ANKRD2: variants seen among roughly 807,000 people sequenced by gnomAD.
The protein encoded by ANKRD2 is ankyrin repeat domain 2.
In ANKRD2, 35 loss-of-function variants were observed where a neutral mutation model predicts 37.3. The ratio of observed to expected loss-of-function variants is 0.94; its 90% CI spans 0.72 to 1.24. The LOEUF (loss-of-function observed/expected upper bound fraction) is 1.24, where lower values mean the gene tolerates loss of function less well. Ranked by LOEUF, ANKRD2 falls within the 50% of genes most tolerant of loss-of-function variation. ANKRD2 has a pLI of 0.00. For synonymous variants in ANKRD2, 159 were observed against 186.5 expected, an observed-to-expected ratio of 0.85 and a Z score of 1.20; for missense variants, 410 against 445.6, an observed-to-expected ratio of 0.92 and a Z score of 0.72.
rs770895363 is a variant in ANKRD2 at position 97,578,583 on chromosome 10, G to T, written c.434G>T (p.Gly145Val). The T allele has an allele frequency of 5.8e-6, 9 of 1,560,280 alleles. No individual in the cohort carries two copies. The Admixed American group carries it at 7.7e-5, about 13-fold the overall frequency. Residue 145 changes from glycine to valine, a missense_variant, in exon 4 of 9, where the codon GGG becomes GTG. Gly to Val is a moderately radical substitution (Grantham distance 109). Coordinates refer to ENST00000370655, the MANE Select transcript of ANKRD2 (RefSeq NM_001346793.2). Reference sequence around the variant, plus strand: ...ATTGAGAAGTTCCTGGCTGACGGGGGGTCAGCCGACACGTGCGACCAGGTG... The same window carrying T: ...ATTGAGAAGTTCCTGGCTGACGGGGTGTCAGCCGACACGTGCGACCAGGTG... The part of the protein sequence containing the change: ...KVIEKFLADG[G>V]SADTCDQFRR...
Position 97,578,334 on chromosome 10 carries a change from G to A in ANKRD2, c.284G>A (p.Arg95His), listed in dbSNP as rs1236703236. 1 of 1,613,470 alleles carries A rather than the reference G, an allele frequency of 6.2e-7. No individual in the cohort carries two copies. Among genetic ancestry groups the A allele is most frequent in the Non-Finnish European group, 8.5e-7 (1 of 1,179,910 alleles). The change falls in exon 3 of 9, where the codon CGC becomes CAC. Residue 95 changes from arginine to histidine, a missense_variant. Coordinates refer to ENST00000370655, the MANE Select transcript of ANKRD2 (RefSeq NM_001346793.2). ...IQNLIELRKK[R>H]KQKKRDALAA... ...AACCTCATCGAGCTGCGGAAGAAAC[G>A]CAAGCAGAAGAAGCGGGACGCTCTG... is the stretch of plus-strand genomic sequence containing the variant.
At position 97,582,320 on chromosome 10, in the gene ANKRD2, G is replaced by C; in HGVS notation, c.660G>C (p.Leu220=). 1 of 1,555,060 alleles carries C rather than the reference G, an allele frequency of 6.4e-7. No homozygotes were observed. The highest frequency in any genetic ancestry group is 8.7e-7 in the Non-Finnish European group (1 of 1,148,720). The change falls in exon 7 of 9, where the codon CTG becomes CTC. Residue 220 remains leucine (L), a synonymous_variant. Transcript: ENST00000370655. ...TCCTGATTCCTCCCACCCAGCTGCT[G>C]AGCACCCCGCTGCACGTGGCAGTCC... ...GADTNVRDKL[L]STPLHVAVRT...
At position 97,582,424 on chromosome 10, in the gene ANKRD2, G is replaced by A. The variant is rs369568795; in HGVS notation, c.753+11G>A. 5.5e-5 allele frequency: 87 copies of A among 1,572,334 alleles called. No homozygotes were observed. Among genetic ancestry groups the A allele is most frequent in the Non-Finnish European group, 7.3e-5 (85 of 1,158,960 alleles). Reference sequence around the variant, plus strand: ...AATGCCAGAGACAGGGTGAGTGCTAGCCTGTCCGCTGCTCACCCGCCATGG... The same window carrying A: ...AATGCCAGAGACAGGGTGAGTGCTAACCTGTCCGCTGCTCACCCGCCATGG... On this transcript the variant is annotated intron_variant, in intron 7 of 8. Transcript: ENST00000370655.
Position 97,582,690 on chromosome 10 carries a change from G to T in ANKRD2, c.840G>T (p.Met280Ile). The change falls in exon 8 of 9, where the codon ATG becomes ATT. Residue 280 changes from methionine (M) to isoleucine (I), a missense_variant. Met to Ile is a conservative substitution (Grantham distance 10, BLOSUM62 1). Transcript: ENST00000370655. Reference protein sequence around the residue: ...KLLLLHGADMMTKNLAGKTPT... With the variant: ...KLLLLHGADMITKNLAGKTPT... ...TGCTCCTGCATGGGGCTGACATGAT[G>T]ACCAAGAACCTGGTAAGCTCATTCC... 2 of 1,614,096 alleles carry T rather than the reference G, an allele frequency of 1.2e-6. No individual in the cohort carries two copies. Among genetic ancestry groups the T allele is most frequent in the South Asian group, 1.1e-5 (1 of 91,068 alleles).
At chr10:97,578,144 G>GGCCCCCCCCCCCCCCCCCCA in intron 2 of ANKRD2, 96 bp from the exon 3 acceptor site, 1 of 685,446 alleles carries the variant, frequency 1.5e-6, no homozygotes, top group East Asian at 2.7e-5. Context: ...GGGTCTTCCT[G>GGCCCCCCCCCCCCCCCCCCA]CCCACCCCAC....
chr10:97,581,302 T>G lies in ANKRD2; in HGVS notation c.556-14T>G, dbSNP rs1482349860. 1.9e-6 allele frequency: 3 copies of G among 1,612,666 alleles called. No individual in the cohort carries two copies. Among genetic ancestry groups the G allele is most frequent in the Non-Finnish European group, 2.5e-6 (3 of 1,179,158 alleles). ...CCTGCAGCTCTGTAGTTAGACCCCC[T>G]CATTTCTTTCTAGCTGGACTGCACA... On this transcript the variant is annotated splice_polypyrimidine_tract_variant and intron_variant, in intron 5 of 8. Coordinates refer to ENST00000370655, the MANE Select transcript of ANKRD2 (RefSeq NM_001346793.2).
At position 97,582,660 on chromosome 10, in the gene ANKRD2, A is replaced by G; in HGVS notation, c.810A>G (p.Lys270=). ...GGCTCAACCGCTACAAAATCATCAA[A>G]CTGCTGCTCCTGCATGGGGCTGACA... ...AVRLNRYKII[K]LLLLHGADMM... is the part of the protein sequence containing the mutation. Residue 270 remains lysine, a synonymous_variant, in exon 8 of 9, where the codon AAA becomes AAG. Coordinates refer to ENST00000370655, the MANE Select transcript of ANKRD2 (RefSeq NM_001346793.2). 1 of 1,614,052 alleles carries G rather than the reference A, an allele frequency of 6.2e-7. No homozygotes were observed. Among genetic ancestry groups the G allele is most frequent in the Non-Finnish European group, 8.5e-7 (1 of 1,180,000 alleles).
intron 5 of ANKRD2, 77 bp downstream of exon 5, chr10:97,581,030 G>A: frequency 7.5e-7 from 1 of 1,337,540 alleles, no homozygotes; most frequent in Non-Finnish European, 1.0e-6. Context: ...CCTGCCACCT[G>A]TGCCAACCTG....
At chr10:97,580,791 T>C in intron 4 of ANKRD2, 64 bp from the exon 5 acceptor site, 1 of 1,282,646 alleles carries the variant, frequency 7.8e-7, no homozygotes. Flanking sequence ...GGCCTCAGCT[T>C]GGGTGGGAGA....
At chr10:97,576,668 TTTTATTTATTTATTTATTTA>T (rs59288893) in intron 1 of ANKRD2, among the ~76,000 whole-genome samples, 11 of 140,508 alleles carry the variant, frequency 7.8e-5, no homozygotes, top group African/African-American at 2.1e-4. Context: ...TTAAAACTTA[TTTTATTTATTTATTTATTTA>T]TTTATTTATT....
At position 97,578,404 on chromosome 10, in the gene ANKRD2, G is replaced by C. The variant is rs758915297; in HGVS notation, c.348+6G>C. ...CCCCAGAGCCCGAGGAGATCGTAAG[G>C]GTCCTGGGGAGGACACCGCGAGGGG... On this transcript the variant is annotated splice_donor_region_variant and intron_variant, in intron 3 of 8. Transcript: ENST00000370655. 11 of 1,613,564 alleles carry C rather than the reference G, an allele frequency of 6.8e-6. No homozygotes were observed. In the African/African-American group the frequency reaches 8.0e-5, roughly 12 times the overall value.
intron 1 of ANKRD2, among the ~76,000 whole-genome samples, chr10:97,574,942 T>C (rs1452965565): frequency 3.3e-5 from 5 of 152,240 alleles, no homozygotes; most frequent in African/African-American, 1.2e-4. Context: ...GAGCAGTGTC[T>C]TCCGTTCATT....
chr10:97,577,478 G>C (rs1468577404), intron 1 of ANKRD2, among the ~76,000 whole-genome samples: 1 of 152,214 alleles, frequency 6.6e-6, no homozygotes, highest in Non-Finnish European at 1.5e-5. Flanking sequence ...AATAATCTTG[G>C]TGCTTGAAAG....
In ANKRD2 at chr10:97,578,407, C is replaced by A; in HGVS notation, c.348+9C>A. ...CAGAGCCCGAGGAGATCGTAAGGGT[C>A]CTGGGGAGGACACCGCGAGGGGGCG... On this transcript the variant is annotated intron_variant, in intron 3 of 8. Transcript: ENST00000370655. The A allele has an allele frequency of 6.2e-7, 1 of 1,613,608 alleles. No individual in the cohort carries two copies. The highest frequency in any genetic ancestry group is 8.5e-7 in the Non-Finnish European group (1 of 1,179,774).
At position 97,581,393 on chromosome 10, in the gene ANKRD2, A is replaced by G. The variant is rs773333184; in HGVS notation, c.633A>G (p.Ala211=). ...EVVKLLQSHG[A]DTNVRDKLLS... is the part of the protein sequence containing the mutation. ...TGAAACTTCTGCAAAGCCATGGAGC[A>G]GACACCAATGTGAGGGATAAGGTGA... The change falls in exon 6 of 9, where the codon GCA becomes GCG. Residue 211 remains alanine, a synonymous_variant. Coordinates refer to ENST00000370655, the MANE Select transcript of ANKRD2 (RefSeq NM_001346793.2). 2.5e-6 allele frequency: 4 copies of G among 1,614,204 alleles called. No individual in the cohort carries two copies. The highest frequency in any genetic ancestry group is 1.1e-5 in the South Asian group (1 of 91,078).
intron 1 of ANKRD2, among the ~76,000 whole-genome samples, chr10:97,574,500 T>C (rs924899332): frequency 6.6e-6 from 1 of 152,154 alleles, no homozygotes; most frequent in African/African-American, 2.4e-5. Context: ...GTAAAAGATA[T>C]TTATTCTGTG....
chr10:97,581,475 G>T, intron 6 of ANKRD2, 61 bp downstream of exon 6: 1 of 1,547,090 alleles, frequency 6.5e-7, no homozygotes, highest in African/African-American at 1.4e-5. Flanking sequence ...AAAGGCAGGG[G>T]TCCAAGGGCA....
chr10:97,574,984 G>C (rs1284866346), intron 1 of ANKRD2, among the ~76,000 whole-genome samples: 1 of 152,054 alleles, frequency 6.6e-6, no homozygotes, highest in Non-Finnish European at 1.5e-5. Flanking sequence ...GAGCTGTCAG[G>C]ACACCAGTGC....
intron 1 of ANKRD2, among the ~76,000 whole-genome samples, chr10:97,575,185 G>T (rs12259524): frequency 0.048 from 7,357 of 152,244 alleles, 462 homozygotes; most frequent in African/African-American, 0.14. Flanking sequence ...AGGAAGATGT[G>T]GGTGAGCATT....
Sources: allele counts gnomAD v4.1 joint callset (sites outside exome capture counted in the v4.1 genomes callset), GRCh38; gene constraint gnomAD v4.1.1; transcripts MANE v1.5; gene names NCBI Gene and HGNC (gene_info 2026-07-23, HGNC 2026-07-21).